MBNL1: variants seen among roughly 807,000 people sequenced by gnomAD.
The protein encoded by MBNL1 is muscleblind like splicing regulator 1, also known as muscleblind-like protein 1.
MBNL1 carries 8 observed loss-of-function variants against 42.2 expected under a neutral mutation model. The ratio of observed to expected loss-of-function variants is 0.19; its 90% CI spans 0.11 to 0.34. MBNL1 has a LOEUF of 0.34. Among genes scored for constraint, MBNL1 ranks in the 10% least tolerant of loss-of-function variants. The pLI is 1.00. For synonymous variants in MBNL1, 169 were observed against 173.9 expected (o/e 0.97, Z 0.22); for missense variants, 309 against 495.3 (o/e 0.62, Z 3.57).
At chr3:152,399,442 T>G (rs17436404) in intron 2 of MBNL1, among the ~76,000 whole-genome samples, 13,255 of 152,276 alleles carry the variant, frequency 0.087, 625 homozygotes, top group Middle Eastern at 0.16. Context: ...CTAGCTCTTC[T>G]ACAACAATTT....
At chr3:152,288,647 C>CG (rs1304836717) in intron 1 of MBNL1, among the ~76,000 whole-genome samples, 9 of 152,156 alleles carry the variant, frequency 5.9e-5, no homozygotes, top group African/African-American at 2.2e-4. Context: ...ACATGCCCTG[C>CG]AGATTCTTAA....
chr3:152,387,812 T>C (rs1053541570), intron 2 of MBNL1, among the ~76,000 whole-genome samples: 4 of 152,146 alleles, frequency 2.6e-5, no homozygotes, highest in African/African-American at 9.6e-5. Context: ...TTTATAAATA[T>C]AAGTATGTGT....
In MBNL1 at chr3:152,456,419, C is replaced by T. The variant is rs1156772619; in HGVS notation, c.1092+58C>T. ...ACAACTCTAATAGGGCTCAATCCAA[C>T]AGCCCTTACGCACGTGGATTTCCCA... On this transcript the variant is annotated intron_variant, in intron 8 of 9. Transcript: ENST00000324210. 28 of 1,371,550 alleles carry T rather than the reference C, an allele frequency of 2.0e-5. No individual in the cohort carries two copies. In the East Asian group the frequency reaches 5.5e-4, roughly 27 times the overall value. 85.0% of individuals were successfully genotyped at this position (1,371,550 alleles called of 1,614,324 possible). A position where few individuals can be genotyped will look rare whatever the true frequency, so the allele number is the denominator to read the frequency against.
chr3:152,254,614 T>C (rs2035181212), intron 2 of MBNL1, among the ~76,000 whole-genome samples: 1 of 152,152 alleles, frequency 6.6e-6, no homozygotes, highest in Non-Finnish European at 1.5e-5. Context: ...AAAACTACTC[T>C]AGGAAAATTC....
intron 2 of MBNL1, among the ~76,000 whole-genome samples, chr3:152,248,250 T>G (rs1559930807): frequency 6.6e-6 from 1 of 152,100 alleles, no homozygotes; most frequent in Admixed American, 6.6e-5. Context: ...ACATTTTCTA[T>G]GCAATTAGGC....
chr3:152,410,317 A>T (rs938417652), intron 2 of MBNL1, among the ~76,000 whole-genome samples: 2 of 152,208 alleles, frequency 1.3e-5, no homozygotes, highest in African/African-American at 4.8e-5. Context: ...CGAACAACTT[A>T]CAACTTCAGA....
intron 2 of MBNL1, among the ~76,000 whole-genome samples, chr3:152,344,460 T>G (rs1414250051): frequency 6.6e-6 from 1 of 152,172 alleles, no homozygotes; most frequent in Non-Finnish European, 1.5e-5. Flanking sequence ...CACTGGTACC[T>G]TGTATTAAAA....
At chr3:152,253,853 C>A (rs930572191) in intron 2 of MBNL1, among the ~76,000 whole-genome samples, 1 of 152,254 alleles carries the variant, frequency 6.6e-6, no homozygotes, top group East Asian at 1.9e-4. Context: ...ATTCCCAACC[C>A]CATCACTCTG....
chr3:152,335,528 C>T (rs1014891136), intron 2 of MBNL1, among the ~76,000 whole-genome samples: 2 of 152,146 alleles, frequency 1.3e-5, no homozygotes. Context: ...TCACTAATCT[C>T]TACTCTTGTT....
At chr3:152,456,035 G>A (rs1309512018) in intron 7 of MBNL1, among the ~76,000 whole-genome samples, 4 of 151,948 alleles carry the variant, frequency 2.6e-5, no homozygotes, top group African/African-American at 9.7e-5. Flanking sequence ...TGATTTGATG[G>A]TAACAAGCTT....
At chr3:152,431,145 G>C (rs1306763771) in intron 3 of MBNL1, among the ~76,000 whole-genome samples, 1 of 152,154 alleles carries the variant, frequency 6.6e-6, no homozygotes, top group Non-Finnish European at 1.5e-5. Context: ...TGACAGTATT[G>C]ACTTTTGGGG....
intron 1 of MBNL1, among the ~76,000 whole-genome samples, chr3:152,277,131 A>G (rs1172536092): frequency 6.6e-6 from 1 of 152,224 alleles, no homozygotes; most frequent in Non-Finnish European, 1.5e-5. Context: ...GTATTTTATC[A>G]GGGATTATAA....
At chr3:152,334,541 G>T (rs2152711483) in intron 2 of MBNL1, among the ~76,000 whole-genome samples, 1 of 152,142 alleles carries the variant, frequency 6.6e-6, no homozygotes, top group East Asian at 1.9e-4. Context: ...TAAAATAAAG[G>T]TCTGAGACCT....
chr3:152,297,315 C>T (rs1310280212), intron 1 of MBNL1, among the ~76,000 whole-genome samples: 1 of 139,798 alleles, frequency 7.2e-6, no homozygotes, highest in Non-Finnish European at 1.5e-5. Flanking sequence ...TTTTGAAAAC[C>T]AAAATATTTC....
At chr3:152,360,875 A>T (rs770174700) in intron 2 of MBNL1, among the ~76,000 whole-genome samples, 25 of 152,132 alleles carry the variant, frequency 1.6e-4, no homozygotes, top group African/African-American at 6.0e-4. Flanking sequence ...AACTTTATCT[A>T]GATTTTGCGA....
intron 2 of MBNL1, among the ~76,000 whole-genome samples, chr3:152,358,202 A>G (rs2095665696): frequency 6.6e-6 from 1 of 152,216 alleles, no homozygotes; most frequent in African/African-American, 2.4e-5. Context: ...TTAAGCTTAA[A>G]AGACAAATTA....
chr3:152,420,351 A>T (rs186709451), intron 3 of MBNL1, among the ~76,000 whole-genome samples: 1 of 152,140 alleles, frequency 6.6e-6, no homozygotes, highest in East Asian at 1.9e-4. Context: ...ATCGAAAGAC[A>T]CTTCATATAG....
At chr3:152,325,289 G>A (rs770708809) in intron 2 of MBNL1, among the ~76,000 whole-genome samples, 1 of 151,792 alleles carries the variant, frequency 6.6e-6, no homozygotes, top group Non-Finnish European at 1.5e-5. Flanking sequence ...GTAGTTTGGA[G>A]TATGAATCAT....
intron 1 of MBNL1, among the ~76,000 whole-genome samples, chr3:152,280,305 C>G (rs867801812): frequency 6.6e-6 from 1 of 152,018 alleles, no homozygotes; most frequent in African/African-American, 2.4e-5. Context: ...TAAAACCATT[C>G]GGTAGACAGG....
Sources: allele counts gnomAD v4.1 joint callset (sites outside exome capture counted in the v4.1 genomes callset), GRCh38; gene constraint gnomAD v4.1.1; transcripts MANE v1.5; gene names NCBI Gene and HGNC (gene_info 2026-07-23, HGNC 2026-07-21).